The following ATRNL1 variants were observed in gnomAD, a reference collection of about 807,000 sequenced individuals.
The protein encoded by ATRNL1 is attractin like 1, also known as attractin-like protein 1.
A neutral mutation model predicts 182.7 loss-of-function variants in ATRNL1; 95 were observed. The observed-to-expected ratio is 0.52, with a 90% CI of 0.44 to 0.62. ATRNL1 has a LOEUF of 0.62. Among genes scored for constraint, ATRNL1 ranks in the 20% least tolerant of loss-of-function variants. The pLI is 0.00. For missense variants in ATRNL1, 1,471 were observed against 1,679.5 expected, an observed-to-expected ratio of 0.88 and a Z score of 2.17; for synonymous variants, 576 against 568.3, an observed-to-expected ratio of 1.01 and a Z score of -0.19.
chr10:115,338,345 T>C (rs1002090084), intron 19 of ATRNL1, among the ~76,000 whole-genome samples: 6 of 152,160 alleles, frequency 3.9e-5, no homozygotes, highest in Admixed American at 3.9e-4. Context: ...CTAATTTACA[T>C]TCTCACCAAC....
At chr10:115,218,930 C>G (rs1486975607) in intron 9 of ATRNL1, among the ~76,000 whole-genome samples, 1 of 152,168 alleles carries the variant, frequency 6.6e-6, no homozygotes, top group Non-Finnish European at 1.5e-5. Flanking sequence ...AGCCACCTCA[C>G]TTCTGTGTAT....
At chr10:115,580,690 C>CT (rs34768447) in intron 26 of ATRNL1, among the ~76,000 whole-genome samples, 70,571 of 151,186 alleles carry the variant, frequency 0.47, 18,171 homozygotes, top group East Asian at 0.84. Context: ...GTCCCTTTTT[C>CT]TTTTTTTTCT....
chr10:115,330,070 G>T (rs1265597367), intron 18 of ATRNL1, among the ~76,000 whole-genome samples: 1 of 151,762 alleles, frequency 6.6e-6, no homozygotes, highest in Non-Finnish European at 1.5e-5. Flanking sequence ...TGCTTACCTT[G>T]AGCCTATCAA....
intron 27 of ATRNL1, among the ~76,000 whole-genome samples, chr10:115,832,709 GTA>G (rs1284198657): frequency 2.6e-5 from 4 of 152,268 alleles, no homozygotes; most frequent in Admixed American, 6.5e-5. Context: ...CTATTATTAT[GTA>G]TGTCACTTCT....
Position 115,394,728 on chromosome 10 carries a change from G to A in ATRNL1, c.3245G>A (p.Gly1082Glu). The change falls in exon 20 of 29, where the codon GGA becomes GAA. Residue 1082 changes from glycine to glutamate, a missense_variant. Transcript: ENST00000355044. Reference sequence around the variant, plus strand: ...GGAAAATGTTTCTGCACAACTAAAGGAATAAAAGGTGACCAATGCCAATTG... The same window carrying A: ...GGAAAATGTTTCTGCACAACTAAAGAAATAAAAGGTGACCAATGCCAATTG... ...HTGKCFCTTKGIKGDQCQLCD... is the reference protein window; with the variant it reads ...HTGKCFCTTKEIKGDQCQLCD... 1 of 1,606,578 alleles carries A rather than the reference G, an allele frequency of 6.2e-7. No homozygotes were observed. Among genetic ancestry groups the A allele is most frequent in the Non-Finnish European group, 8.5e-7 (1 of 1,176,512 alleles).
intron 24 of ATRNL1, among the ~76,000 whole-genome samples, chr10:115,471,945 A>C (rs1358676543): frequency 6.6e-6 from 1 of 150,846 alleles, no homozygotes; most frequent in Non-Finnish European, 1.5e-5. Flanking sequence ...CAAGGAGCTT[A>C]GTCCCTTTAT....
chr10:115,443,129 A>G (rs1554966051), intron 21 of ATRNL1, among the ~76,000 whole-genome samples: 2 of 152,076 alleles, frequency 1.3e-5, no homozygotes, highest in East Asian at 3.9e-4. Flanking sequence ...TGAATGTAAA[A>G]CCTCTATTGA....
chr10:115,506,162 G>A (rs1850101501), intron 24 of ATRNL1, among the ~76,000 whole-genome samples: 1 of 151,946 alleles, frequency 6.6e-6, no homozygotes, highest in Admixed American at 6.6e-5. Flanking sequence ...TTGTGTGCAT[G>A]TGTTGTGGCA....
intron 27 of ATRNL1, among the ~76,000 whole-genome samples, chr10:115,769,874 C>T (rs879997965): frequency 1.3e-5 from 2 of 152,150 alleles, no homozygotes; most frequent in Non-Finnish European, 2.9e-5. Flanking sequence ...CTGCTAAAAT[C>T]TGTGTCTTAG....
At chr10:115,097,043 C>T (rs1210963712) in intron 1 of ATRNL1, among the ~76,000 whole-genome samples, 1 of 151,712 alleles carries the variant, frequency 6.6e-6, no homozygotes. Context: ...TAGAAGGGAG[C>T]CCTTGAGAAT....
intron 17 of ATRNL1, 143 bp downstream of exon 17, chr10:115,302,186 C>A: frequency 2.8e-6 from 2 of 716,170 alleles, no homozygotes; most frequent in Non-Finnish European, 4.5e-6. Flanking sequence ...CCAACTGGTA[C>A]TGTTAACCTC....
At chr10:115,778,001 G>T (rs1949169739) in intron 27 of ATRNL1, among the ~76,000 whole-genome samples, 1 of 150,810 alleles carries the variant, frequency 6.6e-6, no homozygotes, top group Non-Finnish European at 1.5e-5. Context: ...TGTGGTTTTG[G>T]TAGAAGACAA....
chr10:115,614,395 T>A (rs1857324876), intron 26 of ATRNL1, among the ~76,000 whole-genome samples: 1 of 152,182 alleles, frequency 6.6e-6, no homozygotes, highest in Admixed American at 6.5e-5. Context: ...TGTGATGTGA[T>A]TTTGATTTTT....
chr10:115,511,360 C>A (rs765228655), intron 24 of ATRNL1, among the ~76,000 whole-genome samples: 1 of 151,848 alleles, frequency 6.6e-6, no homozygotes, highest in African/African-American at 2.4e-5. Flanking sequence ...CCTGAAACAG[C>A]CCGATTGTCT....
At chr10:115,909,188 C>A (rs1164490927) in intron 28 of ATRNL1, among the ~76,000 whole-genome samples, 2 of 151,870 alleles carry the variant, frequency 1.3e-5, no homozygotes, top group African/African-American at 4.8e-5. Flanking sequence ...CATGCCCAGT[C>A]AGTTAAAGGT....
chr10:115,787,869 AAG>A (rs1286873395), intron 27 of ATRNL1, among the ~76,000 whole-genome samples: 1 of 152,186 alleles, frequency 6.6e-6, no homozygotes, highest in Non-Finnish European at 1.5e-5. Flanking sequence ...CCTTATGAGG[AAG>A]AGATAGGGGA....
chr10:115,141,867 C>G (rs552519917), intron 5 of ATRNL1, among the ~76,000 whole-genome samples: 1 of 152,228 alleles, frequency 6.6e-6, no homozygotes, highest in Non-Finnish European at 1.5e-5. Flanking sequence ...TTACTCTTAA[C>G]CTACTAAGAA....
chr10:115,634,859 C>A (rs868968656), intron 26 of ATRNL1, among the ~76,000 whole-genome samples: 1 of 151,818 alleles, frequency 6.6e-6, no homozygotes, highest in South Asian at 2.1e-4. Context: ...TAGTGTAGTT[C>A]CCAGAAAACC....
At chr10:115,298,522 G>C (rs1210871873) in intron 15 of ATRNL1, among the ~76,000 whole-genome samples, 1 of 152,016 alleles carries the variant, frequency 6.6e-6, no homozygotes, top group Non-Finnish European at 1.5e-5. Context: ...AGGCAGAATT[G>C]CTGTCATGTG....
Sources: allele counts gnomAD v4.1 joint callset (sites outside exome capture counted in the v4.1 genomes callset), GRCh38; gene constraint gnomAD v4.1.1; transcripts MANE v1.5; gene names NCBI Gene and HGNC (gene_info 2026-07-23, HGNC 2026-07-21).